The following PIK3CB variants were observed in gnomAD, a reference collection of about 807,000 sequenced individuals.
PIK3CB encodes phosphatidylinositol 4,5-bisphosphate 3-kinase catalytic subunit beta isoform.
In PIK3CB, 39 loss-of-function variants were observed where a neutral mutation model predicts 136.8. That is an observed-to-expected ratio of 0.29 (90% CI 0.22 to 0.37). PIK3CB has a LOEUF of 0.37. Among genes scored for constraint, PIK3CB ranks in the 10% least tolerant of loss-of-function variants. PIK3CB has a pLI of 1.00. For synonymous variants in PIK3CB, 428 were observed against 436.6 expected (o/e 0.98, Z 0.25); for missense variants, 868 against 1,275.4 (o/e 0.68, Z 4.87).
chr3:138,685,536 C>T (rs361063), intron 16 of PIK3CB, among the ~76,000 whole-genome samples: 2 of 151,716 alleles, frequency 1.3e-5, no homozygotes, highest in Non-Finnish European at 2.9e-5. Context: ...GGCCAACTTC[C>T]TAGTATTAGA....
rs1194534673 is a variant in PIK3CB at position 138,733,342 on chromosome 3, A to C, written c.1050+19T>G. ...AATACTGGAGCGGATGGCAAATTCA[A>C]ATCTTAGTGGGTACTCACTTTTACA... On this transcript the variant is annotated intron_variant, in intron 8 of 23. Coordinates refer to ENST00000674063, the MANE Select transcript of PIK3CB (RefSeq NM_006219.3). The C allele has an allele frequency of 8.0e-7, 1 of 1,254,810 alleles. No individual in the cohort carries two copies. The allele number at this position is 1,254,810 out of a possible 1,614,324, so 77.7% of individuals were successfully genotyped here. A position where few individuals can be genotyped will look rare whatever the true frequency, so the allele number is the denominator to read the frequency against.
At chr3:138,806,970 C>T (rs1180789918) in intron 1 of PIK3CB, among the ~76,000 whole-genome samples, 1 of 152,142 alleles carries the variant, frequency 6.6e-6, no homozygotes, top group African/African-American at 2.4e-5. Context: ...TGCAGTAGTG[C>T]CCTCAAATAC....
At chr3:138,668,332 C>T (rs1293073385) in intron 19 of PIK3CB, among the ~76,000 whole-genome samples, 2 of 152,134 alleles carry the variant, frequency 1.3e-5, no homozygotes, top group African/African-American at 4.8e-5. Flanking sequence ...TTTTCAAAAG[C>T]AGGCAACGAT....
At chr3:138,710,998 G>A (rs2044485039) in intron 10 of PIK3CB, among the ~76,000 whole-genome samples, 1 of 151,348 alleles carries the variant, frequency 6.6e-6, no homozygotes, top group Non-Finnish European at 1.5e-5. Context: ...GCAGGAGAAT[G>A]GCATGAACCC....
intron 11 of PIK3CB, among the ~76,000 whole-genome samples, chr3:138,706,646 G>A (rs897051869): frequency 2.6e-5 from 4 of 152,204 alleles, no homozygotes; most frequent in Non-Finnish European, 5.9e-5. Context: ...GTGAACTCCA[G>A]AGATGCCTTT....
intron 1 of PIK3CB, among the ~76,000 whole-genome samples, chr3:138,809,343 C>T (rs146732652): frequency 0.032 from 4,833 of 151,676 alleles, 259 homozygotes; most frequent in African/African-American, 0.11. Context: ...CAGTGGCTCA[C>T]GCCTGTAATC....
chr3:138,806,998 A>G (rs889096299), intron 1 of PIK3CB, among the ~76,000 whole-genome samples: 17 of 152,204 alleles, frequency 1.1e-4, no homozygotes, highest in Non-Finnish European at 2.5e-4. Flanking sequence ...ATATGCATAC[A>G]TATGGATGTG....
chr3:138,807,010 T>C (rs1335489093), intron 1 of PIK3CB, among the ~76,000 whole-genome samples: 1 of 152,234 alleles, frequency 6.6e-6, no homozygotes, highest in Admixed American at 6.5e-5. Context: ...ATGGATGTGT[T>C]AACTACTGTT....
chr3:138,698,951 A>G lies in PIK3CB; in HGVS notation c.1726T>C (p.Leu576=). Residue 576 remains leucine (L), a synonymous_variant, in exon 13 of 24, where the codon TTA becomes CTA. Transcript: ENST00000674063. The part of the protein sequence containing the change: ...REIFPQSLPK[L]LLSIKWNKLE... ...TTATTCCACTTGATTGACAGCAGTAATTTTGGCAGTGATTGTGGGAAAATC... is the reference window on the plus strand; with the variant it reads ...TTATTCCACTTGATTGACAGCAGTAGTTTTGGCAGTGATTGTGGGAAAATC... The G allele has an allele frequency of 6.2e-7, 1 of 1,602,470 alleles. No individual in the cohort carries two copies. Among genetic ancestry groups the G allele is most frequent in the East Asian group, 2.2e-5 (1 of 44,702 alleles).
chr3:138,764,861 C>G (rs980734580), intron 2 of PIK3CB, among the ~76,000 whole-genome samples: 2 of 152,190 alleles, frequency 1.3e-5, no homozygotes, highest in African/African-American at 4.8e-5. Flanking sequence ...GTCTCAAGCA[C>G]CCAGGACATA....
At chr3:138,771,827 G>T (rs2045803905) in intron 2 of PIK3CB, among the ~76,000 whole-genome samples, 1 of 150,390 alleles carries the variant, frequency 6.6e-6, no homozygotes, top group Non-Finnish European at 1.5e-5. Flanking sequence ...GAGGGAGGAG[G>T]ATCTCTTTCT....
At chr3:138,781,970 A>G (rs1371417981) in intron 2 of PIK3CB, among the ~76,000 whole-genome samples, 1 of 152,270 alleles carries the variant, frequency 6.6e-6, no homozygotes, top group African/African-American at 2.4e-5. Flanking sequence ...AACTTTGGTT[A>G]CAAAACTATC....
chr3:138,724,114 A>G lies in PIK3CB; in HGVS notation c.1050+9247T>C, dbSNP rs147310404. On this transcript the variant is annotated intron_variant, in intron 8 of 23. Transcript: ENST00000674063. ...GCTACCAGGTTATGGCATTAGTTCC[A>G]TAAGACTGACTTCCAATTCAGGTGA... 7.1e-3 allele frequency among the ~76,000 whole-genome samples: 1,088 copies of G among 152,282 alleles called. 6 individuals carry two copies. Among genetic ancestry groups the G allele is most frequent in the Non-Finnish European group, 0.011 (772 of 68,022 alleles).
Position 138,656,211 on chromosome 3 carries a change from A to G in PIK3CB, c.3006T>C (p.Thr1002=). 6.2e-7 allele frequency: 1 copy of G among 1,614,110 alleles called. No individual in the cohort carries two copies. The highest frequency in any genetic ancestry group is 8.5e-7 in the Non-Finnish European group (1 of 1,179,958). ...CTGCAGTCAACATCAGCGCAAAGAG[A>G]GTGATGAAGAGATTCCCATGCCGTC... ...ILRRHGNLFI[T]LFALMLTAGL... Residue 1002 remains threonine, a synonymous_variant, in exon 23 of 24, where the codon ACT becomes ACC. Transcript: ENST00000674063.
intron 6 of PIK3CB, among the ~76,000 whole-genome samples, chr3:138,736,655 T>C (rs1213665787): frequency 1.3e-5 from 2 of 152,210 alleles, no homozygotes; most frequent in Non-Finnish European, 2.9e-5. Flanking sequence ...GCACTGCACA[T>C]AGCATATTTA....
intron 19 of PIK3CB, among the ~76,000 whole-genome samples, chr3:138,678,510 G>A (rs1374284591): frequency 6.6e-6 from 1 of 151,904 alleles, no homozygotes; most frequent in Non-Finnish European, 1.5e-5. Flanking sequence ...CATACAATAA[G>A]ATAGTAGAAA....
chr3:138,712,878 T>C (rs2044533890), intron 9 of PIK3CB, among the ~76,000 whole-genome samples: 1 of 152,098 alleles, frequency 6.6e-6, no homozygotes, highest in South Asian at 2.1e-4. Context: ...AAATGAGAAA[T>C]CTTTAATAAT....
At chr3:138,656,839 T>C (rs577859659) in intron 22 of PIK3CB, among the ~76,000 whole-genome samples, 19 of 152,214 alleles carry the variant, frequency 1.2e-4, no homozygotes, top group Non-Finnish European at 2.6e-4. Context: ...GGCGTGATCT[T>C]GGCTCACTGC....
chr3:138,807,765 C>CA (rs1576424916), intron 1 of PIK3CB, among the ~76,000 whole-genome samples: 2 of 151,958 alleles, frequency 1.3e-5, no homozygotes, highest in African/African-American at 4.8e-5. Context: ...ATGGTGGTGG[C>CA]ACTTATAGTC....
Sources: gnomAD v4.1 joint callset for allele counts (sites outside exome capture counted in the v4.1 genomes callset) on GRCh38, gnomAD v4.1.1 for gene constraint, MANE v1.5 for transcripts, NCBI Gene and HGNC (gene_info 2026-07-23, HGNC 2026-07-21) for gene names.